TAFA5: variants seen among roughly 807,000 people sequenced by gnomAD.
The protein encoded by TAFA5 is chemokine-like protein TAFA-5.
Under a neutral mutation model 15.3 loss-of-function variants are expected in TAFA5, and 6 were observed. That is an observed-to-expected ratio of 0.39 (90% CI 0.21 to 0.77). The LOEUF (loss-of-function observed/expected upper bound fraction) is 0.77. Among genes scored for constraint, TAFA5 ranks in the 30% least tolerant of loss-of-function variants. TAFA5 has a pLI of 0.41. For synonymous variants in TAFA5, 103 were observed against 80.7 expected (o/e 1.28, Z -1.48); for missense variants, 161 against 193.1 (o/e 0.83, Z 0.98).
At chr22:48,581,133 C>G (rs1362609093) in intron 1 of TAFA5, among the ~76,000 whole-genome samples, 2 of 152,274 alleles carry the variant, frequency 1.3e-5, no homozygotes, top group African/African-American at 4.8e-5. Flanking sequence ...AAAACCCACA[C>G]TCACCGTAAT....
intron 1 of TAFA5, among the ~76,000 whole-genome samples, chr22:48,533,069 G>A (rs1018202974): frequency 3.3e-5 from 5 of 152,124 alleles, no homozygotes; most frequent in Non-Finnish European, 7.4e-5. Flanking sequence ...AGGTGCGGGC[G>A]GAGGTTCCCC....
chr22:48,688,698 C>CA (rs1445694768), intron 2 of TAFA5, among the ~76,000 whole-genome samples: 1 of 152,014 alleles, frequency 6.6e-6, no homozygotes, highest in Non-Finnish European at 1.5e-5. Flanking sequence ...CCTGATTTAA[C>CA]AAAAAAAGAG....
chr22:48,606,145 C>T (rs576068323), intron 1 of TAFA5, among the ~76,000 whole-genome samples: 22 of 152,310 alleles, frequency 1.4e-4, no homozygotes, highest in African/African-American at 4.1e-4. Flanking sequence ...AGCAGGGCTC[C>T]GCTCTCCTCC....
intron 3 of TAFA5, among the ~76,000 whole-genome samples, chr22:48,743,515 T>C (rs1026084377): frequency 6.6e-6 from 1 of 152,224 alleles, no homozygotes; most frequent in African/African-American, 2.4e-5. Flanking sequence ...GTCAGGATCT[T>C]CATGTCTGTT....
At chr22:48,699,329 C>G (rs900709580) in intron 2 of TAFA5, among the ~76,000 whole-genome samples, 1 of 152,126 alleles carries the variant, frequency 6.6e-6, no homozygotes. Flanking sequence ...AGCTGGGAGC[C>G]CTTACCAGGC....
At chr22:48,745,914 C>T (rs1266292446) in intron 3 of TAFA5, among the ~76,000 whole-genome samples, 2 of 152,190 alleles carry the variant, frequency 1.3e-5, no homozygotes, top group South Asian at 2.1e-4. Flanking sequence ...GAGGGCGGGC[C>T]GGTGAGCTGA....
At chr22:48,583,936 A>G (rs1924214816) in intron 1 of TAFA5, among the ~76,000 whole-genome samples, 4 of 148,346 alleles carry the variant, frequency 2.7e-5, no homozygotes, top group Admixed American at 2.7e-4. Flanking sequence ...CACACCACAC[A>G]CCACACACCA....
At chr22:48,729,771 AATATAAAT>A (rs1159917847) in intron 3 of TAFA5, among the ~76,000 whole-genome samples, 1 of 147,806 alleles carries the variant, frequency 6.8e-6, no homozygotes, top group African/African-American at 2.4e-5. Flanking sequence ...TATAAATTTA[AATATAAAT>A]ATATAAATAT....
At chr22:48,553,273 T>G (rs576265479) in intron 1 of TAFA5, among the ~76,000 whole-genome samples, 2 of 152,242 alleles carry the variant, frequency 1.3e-5, no homozygotes, top group East Asian at 3.9e-4. Context: ...GAGGCCCCCA[T>G]GCCCTGGCTC....
intron 1 of TAFA5, among the ~76,000 whole-genome samples, chr22:48,642,873 A>C (rs1034846639): frequency 6.6e-6 from 1 of 151,842 alleles, no homozygotes; most frequent in African/African-American, 2.4e-5. Flanking sequence ...CACAGGGGGA[A>C]CAGCTGTGGG....
At chr22:48,545,690 G>C (rs1175701691) in intron 1 of TAFA5, 1 of 152,392 alleles carries the variant, frequency 6.6e-6, no homozygotes, top group African/African-American at 2.4e-5. Flanking sequence ...AGGGTGTGGA[G>C]ACAGCTGGGC....
chr22:48,604,782 G>C (rs946686069), intron 1 of TAFA5, among the ~76,000 whole-genome samples: 1 of 152,154 alleles, frequency 6.6e-6, no homozygotes, highest in Non-Finnish European at 1.5e-5. Context: ...AGGGGCCCAG[G>C]GCAGGCTGGG....
intron 2 of TAFA5, among the ~76,000 whole-genome samples, chr22:48,666,923 G>A (rs969950041): frequency 1.3e-5 from 2 of 152,142 alleles, no homozygotes; most frequent in African/African-American, 4.8e-5. Context: ...TTGGAGGGAG[G>A]AGGAGGGACT....
chr22:48,687,700 C>T (rs551008451), intron 2 of TAFA5, among the ~76,000 whole-genome samples: 7 of 152,272 alleles, frequency 4.6e-5, no homozygotes, highest in Non-Finnish European at 8.8e-5. Context: ...AGTGACAGAT[C>T]CACAACCAAC....
intron 1 of TAFA5, among the ~76,000 whole-genome samples, chr22:48,605,579 C>G (rs888844735): frequency 1.3e-5 from 2 of 152,128 alleles, no homozygotes; most frequent in Non-Finnish European, 2.9e-5. Flanking sequence ...TTCTTTAATC[C>G]TAACAGCCTA....
chr22:48,533,257 G>T (rs934684836), intron 1 of TAFA5, among the ~76,000 whole-genome samples: 1 of 152,126 alleles, frequency 6.6e-6, no homozygotes, highest in Non-Finnish European at 1.5e-5. Context: ...TCGATGCCCT[G>T]GTCTCCCGTT....
At chr22:48,715,196 G>A (rs1325844447) in intron 3 of TAFA5, among the ~76,000 whole-genome samples, 2 of 152,254 alleles carry the variant, frequency 1.3e-5, no homozygotes, top group African/African-American at 4.8e-5. Flanking sequence ...GGTGCCATGA[G>A]TTGGGGGCCA....
At chr22:48,526,473 C>T (rs1258994966) in intron 1 of TAFA5, among the ~76,000 whole-genome samples, 1 of 152,240 alleles carries the variant, frequency 6.6e-6, no homozygotes, top group Non-Finnish European at 1.5e-5. Flanking sequence ...CTCAGAGTCC[C>T]TGGTCCACAA....
At chr22:48,648,997 C>G (rs1221535867) in intron 2 of TAFA5, among the ~76,000 whole-genome samples, 4 of 152,222 alleles carry the variant, frequency 2.6e-5, no homozygotes, top group Non-Finnish European at 4.4e-5. Flanking sequence ...CTCTGGGTGT[C>G]TCATTGATGA....
Sources: allele counts gnomAD v4.1 joint callset (sites outside exome capture counted in the v4.1 genomes callset), GRCh38; gene constraint gnomAD v4.1.1; transcripts MANE v1.5; gene names NCBI Gene and HGNC (gene_info 2026-07-23, HGNC 2026-07-21).